CCDC171: variants seen among roughly 807,000 people sequenced by gnomAD.
The protein encoded by CCDC171 is coiled-coil domain-containing protein 171.
CCDC171 carries 177 observed loss-of-function variants against 168.2 expected under a neutral mutation model. The ratio of observed to expected loss-of-function variants is 1.05; its 90% CI spans 0.93 to 1.19. CCDC171 has a LOEUF of 1.19. Among genes scored for constraint, CCDC171 ranks in the 50% most tolerant of loss-of-function variants. The probability of loss-of-function intolerance (pLI) is 0.00; values close to 1 mark genes in which losing one functional copy is unlikely to be tolerated. For synonymous variants in CCDC171, 687 were observed against 540.8 expected (o/e 1.27, Z -3.75); for missense variants, 1,991 against 1,539.0 (o/e 1.29, Z -4.91).
At chr9:16,057,439 T>C (rs890260272) in intron 1 of CCDC171, among the ~76,000 whole-genome samples, 1 of 152,184 alleles carries the variant, frequency 6.6e-6, no homozygotes, top group African/African-American at 2.4e-5. Context: ...AGGAAGTTTT[T>C]TTTGTTTGTT....
At chr9:15,840,250 T>C (rs1336923599) in intron 21 of CCDC171, among the ~76,000 whole-genome samples, 1 of 152,184 alleles carries the variant, frequency 6.6e-6, no homozygotes, top group Non-Finnish European at 1.5e-5. Flanking sequence ...TTATAAATTA[T>C]TCACATTTTT....
chr9:16,063,205 G>C (rs1284962114), downstream of CCDC171, among the ~76,000 whole-genome samples: 1 of 152,192 alleles, frequency 6.6e-6, no homozygotes, highest in Non-Finnish European at 1.5e-5. Context: ...CATTTAAGGG[G>C]TGATTTTCAA....
chr9:16,095,323 G>A, the CCDC171 span, among the ~76,000 whole-genome samples: 2 of 152,108 alleles, frequency 1.3e-5, no homozygotes, highest in Admixed American at 1.3e-4. Context: ...CGGGCCCATG[G>A]AAACATGTGG....
the CCDC171 span, among the ~76,000 whole-genome samples, chr9:16,108,610 T>C: frequency 1.3e-5 from 2 of 152,202 alleles, no homozygotes; most frequent in African/African-American, 4.8e-5. Context: ...GTAGAACTTC[T>C]TTCAGAAATT....
chr9:15,664,159 A>G (rs2048540437), intron 8 of CCDC171, among the ~76,000 whole-genome samples: 1 of 152,294 alleles, frequency 6.6e-6, no homozygotes, highest in Non-Finnish European at 1.5e-5. Context: ...CTTAATGGGT[A>G]CAGTGTAAAC....
intron 24 of CCDC171, among the ~76,000 whole-genome samples, chr9:15,918,274 A>T (rs962024756): frequency 6.6e-6 from 1 of 151,684 alleles, no homozygotes; most frequent in African/African-American, 2.4e-5. Context: ...TCCCTAGTAA[A>T]CATTAGCTAT....
chr9:15,630,462 A>G (rs1199779825), intron 7 of CCDC171, among the ~76,000 whole-genome samples: 4 of 152,234 alleles, frequency 2.6e-5, no homozygotes, highest in Non-Finnish European at 5.9e-5. Flanking sequence ...GATCAATTCA[A>G]CAAGAAGAGC....
chr9:15,808,932 T>G (rs2059199855), intron 21 of CCDC171, among the ~76,000 whole-genome samples: 1 of 152,192 alleles, frequency 6.6e-6, no homozygotes, highest in African/African-American at 2.4e-5. Flanking sequence ...GGTGAGGGCT[T>G]GCTTCCTCAT....
intron 21 of CCDC171, among the ~76,000 whole-genome samples, chr9:15,834,846 A>T (rs1460022523): frequency 6.6e-6 from 1 of 152,226 alleles, no homozygotes; most frequent in Non-Finnish European, 1.5e-5. Flanking sequence ...ATGAAACAGG[A>T]TGCTACTTTA....
intron 18 of CCDC171, 125 bp from the exon 19 acceptor site, chr9:15,777,471 TTGAA>T (rs1218102317): frequency 1.1e-5 from 6 of 558,384 alleles, no homozygotes; most frequent in Non-Finnish European, 1.8e-5. Flanking sequence ...AAGGACCTTT[TTGAA>T]TGAATTACTA....
Position 16,006,374 on chromosome 9 carries a change from T to G in CCDC171, n.369-14215T>G, listed in dbSNP as rs184695920. Among the ~76,000 whole-genome samples the G allele has an allele frequency of 1.7e-3, 260 of 152,360 alleles. 1 individual carries two copies. Among genetic ancestry groups the G allele is most frequent in the Admixed American group, 6.7e-3 (102 of 15,296 alleles). On this transcript the variant is annotated intron_variant and non_coding_transcript_variant, in intron 3 of 9. Transcript: ENST00000486641. ...GATGTTGAGCATGTTTTCATGTGTT[T>G]ATGAGCTATTCGTATATCTTTGAAG...
At chr9:16,029,870 A>C (rs1347035553) in intron 6 of CCDC171, among the ~76,000 whole-genome samples, 2 of 152,178 alleles carry the variant, frequency 1.3e-5, no homozygotes, top group Non-Finnish European at 2.9e-5. Flanking sequence ...ACTAAGTCAT[A>C]GTTTGGGCTG....
At chr9:15,655,774 A>G (rs1278140580) in intron 7 of CCDC171, among the ~76,000 whole-genome samples, 1 of 152,236 alleles carries the variant, frequency 6.6e-6, no homozygotes, top group African/African-American at 2.4e-5. Context: ...TCTTCAAAGA[A>G]GATACACAGT....
intron 18 of CCDC171, among the ~76,000 whole-genome samples, chr9:15,764,397 T>C (rs1259435425): frequency 2.0e-5 from 3 of 152,204 alleles, no homozygotes; most frequent in Admixed American, 6.5e-5. Flanking sequence ...TAGCTTGGAA[T>C]AGTATAACAT....
intron 7 of CCDC171, among the ~76,000 whole-genome samples, chr9:15,653,657 C>A (rs540704157): frequency 6.6e-5 from 10 of 152,076 alleles, no homozygotes; most frequent in Admixed American, 2.0e-4. Flanking sequence ...CTAACCCCCA[C>A]CCCTAACTCC....
chr9:15,877,752 T>TA (rs1165088825), intron 24 of CCDC171, among the ~76,000 whole-genome samples: 1 of 152,112 alleles, frequency 6.6e-6, no homozygotes, highest in Admixed American at 6.6e-5. Flanking sequence ...AACTTTGCAA[T>TA]AAAAAAGATT....
intron 7 of CCDC171, among the ~76,000 whole-genome samples, chr9:15,642,343 GTATATATATA>G (rs55976539): frequency 4.2e-4 from 45 of 107,560 alleles, no homozygotes; most frequent in African/African-American, 1.3e-3. Context: ...GTGTGTGTGT[GTATATATATA>G]TATATATATA....
At chr9:15,909,365 T>G (rs1448845514) in intron 24 of CCDC171, among the ~76,000 whole-genome samples, 2 of 151,664 alleles carry the variant, frequency 1.3e-5, no homozygotes, top group Non-Finnish European at 2.9e-5. Context: ...GCTGATAGCA[T>G]TTTTAGCAGC....
At chr9:16,032,243 C>T (rs1326656741) in intron 6 of CCDC171, among the ~76,000 whole-genome samples, 1 of 152,068 alleles carries the variant, frequency 6.6e-6, no homozygotes, top group Admixed American at 6.5e-5. Context: ...CAGAGGAATG[C>T]ATTTTAGAAA....
Sources: gnomAD v4.1 joint callset for allele counts (sites outside exome capture counted in the v4.1 genomes callset) on GRCh38, gnomAD v4.1.1 for gene constraint, MANE v1.5 for transcripts, NCBI Gene and HGNC (gene_info 2026-07-23, HGNC 2026-07-21) for gene names.